Variants in RASSF5 observed in about 807,000 individuals in gnomAD.
RASSF5 encodes the protein Ras association domain family member 5.
RASSF5 carries 25 observed loss-of-function variants against 40.5 expected under a neutral mutation model. That is an observed-to-expected ratio of 0.62 (90% CI 0.45 to 0.86). RASSF5 has a LOEUF of 0.86. Ranked by LOEUF, RASSF5 falls within the 40% of genes least tolerant of loss-of-function variation. The probability of loss-of-function intolerance (pLI) is 0.00; values close to 1 mark genes in which losing one functional copy is unlikely to be tolerated. For synonymous variants in RASSF5, 246 were observed against 252.4 expected (o/e 0.97, Z 0.24); for missense variants, 521 against 572.8 (o/e 0.91, Z 0.92).
chr1:206,580,588 G>A (rs1668833180), intron 2 of RASSF5: 1 of 152,238 alleles, frequency 6.6e-6, no homozygotes, highest in African/African-American at 2.4e-5. Flanking sequence ...GCTACCCAAG[G>A]GAAGGGATGA....
At chr1:206,518,914 A>G (rs1666832517) in intron 1 of RASSF5, among the ~76,000 whole-genome samples, 1 of 151,232 alleles carries the variant, frequency 6.6e-6, no homozygotes, top group Non-Finnish European at 1.5e-5. Flanking sequence ...CCTATCCTGT[A>G]GCCCTTCAGA....
intron 2 of RASSF5, among the ~76,000 whole-genome samples, chr1:206,572,186 G>A (rs936150774): frequency 4.8e-5 from 7 of 146,844 alleles, no homozygotes; most frequent in East Asian, 4.2e-4. Flanking sequence ...GGGTGCATGC[G>A]TGTTACTGCT....
intron 2 of RASSF5, among the ~76,000 whole-genome samples, chr1:206,577,280 A>G (rs1319953135): frequency 6.6e-6 from 1 of 152,178 alleles, no homozygotes; most frequent in Non-Finnish European, 1.5e-5. Flanking sequence ...AAAGGAATTA[A>G]CAAACTCTAT....
intron 2 of RASSF5, chr1:206,544,919 A>C (rs1553399912): frequency 6.6e-6 from 1 of 151,002 alleles, no homozygotes; most frequent in Non-Finnish European, 1.5e-5. Context: ...TCCTGCGGCC[A>C]GTCCTGCCTT....
chr1:206,518,664 C>T lies in RASSF5; in HGVS notation c.457+10605C>T, dbSNP rs1666825812. The T allele has an allele frequency of 2.8e-5, 11 of 394,534 alleles. No individual in the cohort carries two copies. In the South Asian group the frequency reaches 1.6e-3, roughly 56 times the overall value. The allele number at this position is 394,534 out of a possible 1,614,324, so 24.4% of individuals were successfully genotyped here. A position where few individuals can be genotyped will look rare whatever the true frequency, so the allele number is the denominator to read the frequency against. Reference sequence around the variant, plus strand: ...GTCTGCTGTTTAGTGCTGAGCTCAGCACCACTCCTTGGCCCTCCTGACTCC... The same window carrying T: ...GTCTGCTGTTTAGTGCTGAGCTCAGTACCACTCCTTGGCCCTCCTGACTCC... On this transcript the variant is annotated intron_variant, in intron 1 of 5. Transcript: ENST00000579436.
rs1051464571 is a variant in RASSF5, at chr1:206,509,392, C to T, written c.457+1333C>T. Among the ~76,000 whole-genome samples the T allele has an allele frequency of 4.6e-5, 7 of 152,322 alleles. No homozygotes were observed. In the South Asian group the frequency reaches 8.3e-4, roughly 18 times the overall value. On this transcript the variant is annotated intron_variant, in intron 1 of 5. Transcript: ENST00000579436. ...GTGCTGCTCTTTCCTCCACCAGAACCCCCAGTTCAGGTGCTAATTAAGAAG... is the reference window on the plus strand; with the variant it reads ...GTGCTGCTCTTTCCTCCACCAGAACTCCCAGTTCAGGTGCTAATTAAGAAG...
chr1:206,550,499 G>GT (rs1426618103), intron 2 of RASSF5, among the ~76,000 whole-genome samples: 10 of 152,154 alleles, frequency 6.6e-5, no homozygotes, highest in Admixed American at 6.5e-4. Context: ...ATTTGTGGAG[G>GT]TTTTTTGCAT....
At chr1:206,572,227 A>G (rs1368732225) in intron 2 of RASSF5, among the ~76,000 whole-genome samples, 2 of 152,160 alleles carry the variant, frequency 1.3e-5, no homozygotes, top group African/African-American at 2.4e-5. Flanking sequence ...CATGAAGCCA[A>G]TGTTTAATGA....
intron 2 of RASSF5, among the ~76,000 whole-genome samples, chr1:206,569,724 T>G (rs1221897739): frequency 1.3e-5 from 2 of 152,226 alleles, no homozygotes; most frequent in Non-Finnish European, 2.9e-5. Context: ...AGCACAGGCT[T>G]CTGTGCCCCT....
At chr1:206,567,903 G>A (rs1448268248) in intron 2 of RASSF5, among the ~76,000 whole-genome samples, 5 of 152,144 alleles carry the variant, frequency 3.3e-5, no homozygotes, top group Admixed American at 2.6e-4. Context: ...TACTTAAGAG[G>A]AAACTGAAGC....
At chr1:206,522,206 G>A (rs1447634111) in intron 1 of RASSF5, among the ~76,000 whole-genome samples, 1 of 152,036 alleles carries the variant, frequency 6.6e-6, no homozygotes, top group African/African-American at 2.4e-5. Context: ...GTGAGCTATG[G>A]GAGGCCCTCA....
chr1:206,584,577 G>GCAC lies in RASSF5; in HGVS notation c.889_891dup (p.Thr297dup). 6.2e-7 allele frequency: 1 copy of GCAC among 1,614,210 alleles called. No individual in the cohort carries two copies. Among genetic ancestry groups the GCAC allele is most frequent in the East Asian group, 2.2e-5 (1 of 44,878 alleles). On this transcript the variant is annotated inframe_insertion, in exon 4 of 6. Transcript: ENST00000579436. This position sits in a 1 kb window ranked among gnomAD's most constrained non-coding sequence, Gnocchi z 4.9. ...GCCATCAAGCAGCTGCACATCAGCA[G>GCAC]CACCACCACCGTCAGTGAGGTCATC...
chr1:206,568,540 G>C (rs1668345617), intron 2 of RASSF5, among the ~76,000 whole-genome samples: 1 of 152,146 alleles, frequency 6.6e-6, no homozygotes, highest in Non-Finnish European at 1.5e-5. Flanking sequence ...CACCTCCGGA[G>C]ACCACTCGGC....
chr1:206,573,741 C>G lies in RASSF5; in HGVS notation c.580-9528C>G, dbSNP rs781900609. On this transcript the variant is annotated intron_variant, in intron 2 of 5. Coordinates refer to ENST00000579436, the MANE Select transcript of RASSF5 (RefSeq NM_182663.4). ...TAATATAAGTAGCCAGGCGTAGTGG[C>G]TCACGCCTGTAATCCCAGCATTTTG... Among the ~76,000 whole-genome samples the G allele has an allele frequency of 4.7e-4, 72 of 152,352 alleles. 1 individual carries two copies. Among genetic ancestry groups the G allele is most frequent in the Non-Finnish European group, 5.3e-4 (36 of 68,038 alleles).
intron 2 of RASSF5, chr1:206,557,672 GCA>G (rs782159022): frequency 6.2e-7 from 1 of 1,614,214 alleles, no homozygotes; most frequent in Non-Finnish European, 8.5e-7. Flanking sequence ...TCAGAAATGC[GCA>G]GAGCAAACAT....
intron 1 of RASSF5, among the ~76,000 whole-genome samples, chr1:206,511,859 G>GC (rs1666623416): frequency 6.6e-6 from 1 of 152,164 alleles, no homozygotes; most frequent in South Asian, 2.1e-4. Context: ...CTGCGTGACA[G>GC]CCCCCGATCC....
At chr1:206,526,446 C>T (rs1269374992) in intron 1 of RASSF5, among the ~76,000 whole-genome samples, 1 of 152,174 alleles carries the variant, frequency 6.6e-6, no homozygotes, top group African/African-American at 2.4e-5. Context: ...TGAGCTTTGC[C>T]TCCTTCCTGG....
At chr1:206,528,220 T>A (rs1667146074) in intron 1 of RASSF5, among the ~76,000 whole-genome samples, 1 of 151,866 alleles carries the variant, frequency 6.6e-6, no homozygotes, top group Non-Finnish European at 1.5e-5. Flanking sequence ...ATATAGCTAC[T>A]ATGTACCCAC....
intron 1 of RASSF5, among the ~76,000 whole-genome samples, chr1:206,510,808 G>T (rs1666596030): frequency 6.6e-6 from 1 of 152,166 alleles, no homozygotes; most frequent in Non-Finnish European, 1.5e-5. Context: ...GCCAGGCCCA[G>T]AGCAGGGTCT....
Sources: allele counts gnomAD v4.1 joint callset (sites outside exome capture counted in the v4.1 genomes callset), GRCh38; gene constraint gnomAD v4.1.1; non-coding constraint Gnocchi (gnomAD v3.1); transcripts MANE v1.5; gene names NCBI Gene and HGNC (gene_info 2026-07-23, HGNC 2026-07-21).